INPP4B: variants seen among roughly 807,000 people sequenced by gnomAD.
The protein encoded by INPP4B is inositol polyphosphate-4-phosphatase type II B.
In INPP4B, 55 loss-of-function variants were observed where a neutral mutation model predicts 122.5. That is an observed-to-expected ratio of 0.45 (90% CI 0.36 to 0.56). The LOEUF (loss-of-function observed/expected upper bound fraction) is 0.56. Among genes scored for constraint, INPP4B ranks in the 20% least tolerant of loss-of-function variants. The pLI is 0.00. For synonymous variants in INPP4B, 403 were observed against 388.7 expected (o/e 1.04, Z -0.43); for missense variants, 1,000 against 1,097.7 (o/e 0.91, Z 1.26).
intron 25 of INPP4B, among the ~76,000 whole-genome samples, chr4:142,050,068 TG>T (rs1753681433): frequency 6.6e-6 from 1 of 151,990 alleles, no homozygotes; most frequent in South Asian, 2.1e-4. Context: ...TTTCATCAGG[TG>T]ATGAATTAAT....
chr4:142,623,608 C>T (rs150640132), intron 2 of INPP4B, among the ~76,000 whole-genome samples: 2,070 of 151,558 alleles, frequency 0.014, 38 homozygotes, highest in African/African-American at 0.039. Flanking sequence ...AGGGTACATG[C>T]GCACAATGTG....
At chr4:142,705,057 G>A (rs1290209711) in intron 2 of INPP4B, among the ~76,000 whole-genome samples, 1 of 151,996 alleles carries the variant, frequency 6.6e-6, no homozygotes, top group Non-Finnish European at 1.5e-5. Flanking sequence ...TACCCTTTCT[G>A]GTTTTCCCTC....
intron 16 of INPP4B, among the ~76,000 whole-genome samples, chr4:142,164,993 C>A (rs1822001033): frequency 6.6e-6 from 1 of 151,680 alleles, no homozygotes; most frequent in Admixed American, 6.6e-5. Context: ...CACAAGGGAC[C>A]TTAAATCACT....
intron 25 of INPP4B, among the ~76,000 whole-genome samples, chr4:142,039,340 T>G (rs915453349): frequency 1.3e-5 from 2 of 152,184 alleles, no homozygotes; most frequent in Non-Finnish European, 2.9e-5. Flanking sequence ...CAAAACTACA[T>G]GAATATATTT....
intron 2 of INPP4B, among the ~76,000 whole-genome samples, chr4:142,570,880 T>G (rs188515873): frequency 1.1e-4 from 16 of 151,964 alleles, no homozygotes; most frequent in Non-Finnish European, 1.9e-4. Context: ...TAAGACATAT[T>G]AATATTTTAC....
intron 1 of INPP4B, among the ~76,000 whole-genome samples, chr4:142,749,081 G>A (rs1419094270): frequency 6.6e-6 from 1 of 151,106 alleles, no homozygotes. Flanking sequence ...AGAAGTTGCT[G>A]TTAGCCAAGA....
chr4:142,829,460 CT>C (rs531020249), intron 1 of INPP4B, among the ~76,000 whole-genome samples: 133 of 152,272 alleles, frequency 8.7e-4, no homozygotes, highest in African/African-American at 3.0e-3. Flanking sequence ...CGTGGACCTG[CT>C]CCACAAAGCC....
intron 2 of INPP4B, among the ~76,000 whole-genome samples, chr4:142,605,329 AGAAAACACAAG>A (rs1344804681): frequency 6.6e-6 from 1 of 152,072 alleles, no homozygotes; most frequent in Admixed American, 6.6e-5. Flanking sequence ...AACTAGTAGA[AGAAAACACAAG>A]GAAAACTCTT....
At chr4:142,438,287 C>T (rs975439911) in intron 3 of INPP4B, among the ~76,000 whole-genome samples, 1 of 152,132 alleles carries the variant, frequency 6.6e-6, no homozygotes, top group African/African-American at 2.4e-5. Context: ...CATCATGTTA[C>T]CTGACTTCTA....
At chr4:142,233,595 T>C (rs1216960873) in intron 12 of INPP4B, among the ~76,000 whole-genome samples, 1 of 152,134 alleles carries the variant, frequency 6.6e-6, no homozygotes, top group African/African-American at 2.4e-5. Flanking sequence ...ATCTGAATTG[T>C]GAGACTGGGA....
At chr4:142,299,512 G>A (rs1416060638) in intron 9 of INPP4B, among the ~76,000 whole-genome samples, 1 of 148,922 alleles carries the variant, frequency 6.7e-6, no homozygotes, top group African/African-American at 2.5e-5. Context: ...TAGGTCTTAT[G>A]AAGTTTTTAG....
intron 14 of INPP4B, among the ~76,000 whole-genome samples, chr4:142,195,150 C>T (rs1313626382): frequency 2.0e-5 from 3 of 152,312 alleles, no homozygotes; most frequent in South Asian, 2.1e-4. Context: ...TGCAACAAAA[C>T]GAATGAGCCT....
intron 2 of INPP4B, among the ~76,000 whole-genome samples, chr4:142,636,008 C>T (rs1749076028): frequency 6.6e-6 from 1 of 152,166 alleles, no homozygotes; most frequent in Admixed American, 6.5e-5. Flanking sequence ...CCCCACATGT[C>T]AAGGGCAGGA....
chr4:142,248,669 T>C (rs1303862509), intron 11 of INPP4B, among the ~76,000 whole-genome samples: 1 of 151,674 alleles, frequency 6.6e-6, no homozygotes, highest in Admixed American at 6.6e-5. Flanking sequence ...TGTGTGTGTG[T>C]ATGTGTATGT....
At chr4:142,157,800 C>T (rs1253298672) in intron 17 of INPP4B, among the ~76,000 whole-genome samples, 5 of 152,028 alleles carry the variant, frequency 3.3e-5, no homozygotes, top group South Asian at 2.1e-4. Context: ...AAATTTTTCA[C>T]GTTACTCATT....
intron 15 of INPP4B, among the ~76,000 whole-genome samples, chr4:142,177,173 A>G (rs1407335941): frequency 6.6e-6 from 1 of 152,104 alleles, no homozygotes; most frequent in Non-Finnish European, 1.5e-5. Flanking sequence ...AACGATGAGC[A>G]CCTCACCTAC....
intron 2 of INPP4B, among the ~76,000 whole-genome samples, chr4:142,666,657 ATGTG>A (rs371769449): frequency 2.7e-5 from 4 of 150,276 alleles, no homozygotes; most frequent in Admixed American, 1.3e-4. Context: ...GTGTGTGCAC[ATGTG>A]TGTGTGTGTG....
At chr4:142,457,772 G>GT (rs538239431) in intron 3 of INPP4B, among the ~76,000 whole-genome samples, 53 of 152,114 alleles carry the variant, frequency 3.5e-4, no homozygotes, top group African/African-American at 1.3e-3. Context: ...GTTTGTTTTT[G>GT]TTTTTTAAAG....
At position 142,086,149 on chromosome 4, in the gene INPP4B, C is replaced by A. The variant is rs548378688; in HGVS notation, c.2482G>T (p.Ala828Ser). The A allele has an allele frequency of 6.4e-7, 1 of 1,570,022 alleles. No homozygotes were observed. The highest frequency in any genetic ancestry group is 1.4e-5 in the African/African-American group (1 of 73,972). Reference sequence around the variant, plus strand: ...TTTGACATGAGAGTGCTTACCGTTGCAGCCAGCCACATAATTTCTACATTC... The same window carrying A: ...TTTGACATGAGAGTGCTTACCGTTGAAGCCAGCCACATAATTTCTACATTC... ...RKNVEIMWLA[A>S]TICRKLNGIR... Residue 828 changes from alanine (A) to serine (S), a missense_variant, in exon 24 of 26, where the codon GCA becomes TCA. Coordinates refer to ENST00000262992, the MANE Select transcript of INPP4B (RefSeq NM_001101669.3).
Sources: allele counts gnomAD v4.1 joint callset (sites outside exome capture counted in the v4.1 genomes callset), GRCh38; gene constraint gnomAD v4.1.1; transcripts MANE v1.5; gene names NCBI Gene and HGNC (gene_info 2026-07-23, HGNC 2026-07-21).